The following WDR59 variants were observed in gnomAD, a reference collection of about 807,000 sequenced individuals.
The protein encoded by WDR59 is GATOR2 complex protein WDR59.
In WDR59, 100 loss-of-function variants were observed where a neutral mutation model predicts 131.2. The ratio of observed to expected loss-of-function variants is 0.76; its 90% confidence interval spans 0.65 to 0.90. WDR59 has a LOEUF of 0.90. Among genes scored for constraint, WDR59 ranks in the 40% least tolerant of loss-of-function variants. WDR59 has a pLI of 0.00. For synonymous variants in WDR59, 601 were observed against 466.2 expected (o/e 1.29, Z -3.72); for missense variants, 1,203 against 1,262.2 (o/e 0.95, Z 0.71).
chr16:74,977,270 A>C (rs2034223950), intron 1 of WDR59, among the ~76,000 whole-genome samples: 1 of 152,096 alleles, frequency 6.6e-6, no homozygotes, highest in Non-Finnish European at 1.5e-5. Flanking sequence ...AATTAAAAAA[A>C]AATTTTTAAT....
At position 74,951,341 on chromosome 16, in the gene WDR59, C is replaced by T. The variant is rs1289573765; in HGVS notation, c.326+117G>A. The T allele has an allele frequency of 9.8e-6, 10 of 1,015,460 alleles. No homozygotes were observed. The East Asian group carries it at 1.3e-4, about 13-fold the overall frequency. 62.9% of individuals were successfully genotyped at this position (1,015,460 alleles called of 1,614,324 possible). On this transcript the variant is annotated intron_variant, in intron 4 of 25. Transcript: ENST00000262144. ...GAATGCTAATAACCCGCTGACCACC[C>T]GGGACCTGTGCAACACAGACAGTCA... is the stretch of plus-strand genomic sequence containing the variant.
chr16:74,921,924 G>C, intron 10 of WDR59, 23 bp downstream of exon 10: 2 of 1,609,778 alleles, frequency 1.2e-6, no homozygotes, highest in Non-Finnish European at 1.7e-6. Context: ...AAGGAAAGTG[G>C]GCAGCAGGCC....
chr16:74,900,507 A>G lies in WDR59; in HGVS notation c.1866+3440T>C, dbSNP rs139543352. The stretch of plus-strand genomic sequence containing the variant: ...TAAAGCAAGAGTGGGAGGTTGCAAC[A>G]ATGTTTAAATGTATGCAAGGCAATA... On this transcript the variant is annotated intron_variant, in intron 18 of 25. Coordinates refer to ENST00000262144, the MANE Select transcript of WDR59 (RefSeq NM_030581.4). Among the ~76,000 whole-genome samples the G allele has an allele frequency of 1.1e-3, 170 of 152,336 alleles. 1 individual carries two copies. In the East Asian group the frequency reaches 0.019, roughly 17 times the overall value.
In WDR59 at chr16:74,900,199, T is replaced by G. The variant is rs76776565; in HGVS notation, c.1866+3748A>C. On this transcript the variant is annotated intron_variant, in intron 18 of 25. Transcript: ENST00000262144. ...CTCATTCCTAAAAAGAAGACATTCTTGAATAGGCTCAATACCAAATTTTTT... is the reference window on the plus strand; with the variant it reads ...CTCATTCCTAAAAAGAAGACATTCTGGAATAGGCTCAATACCAAATTTTTT... Among the ~76,000 whole-genome samples, 1,115 of 152,288 alleles carry G rather than the reference T, an allele frequency of 7.3e-3. 8 individuals carry two copies. The highest frequency in any genetic ancestry group is 0.012 in the Non-Finnish European group (801 of 68,030).
At chr16:74,956,405 A>G (rs1450373323) in intron 3 of WDR59, 70 bp downstream of exon 3, 2 of 1,562,118 alleles carry the variant, frequency 1.3e-6, no homozygotes, top group East Asian at 2.3e-5. Flanking sequence ...TTCTCTACAC[A>G]GGGCATAGAT....
chr16:74,948,005 G>A (rs1365625995), intron 6 of WDR59, among the ~76,000 whole-genome samples: 1 of 152,172 alleles, frequency 6.6e-6, no homozygotes, highest in Non-Finnish European at 1.5e-5. Flanking sequence ...GGGAAGCAGA[G>A]GCTGCAGTGA....
At chr16:74,935,125 G>T (rs2031696488) in intron 8 of WDR59, among the ~76,000 whole-genome samples, 1 of 152,020 alleles carries the variant, frequency 6.6e-6, no homozygotes, top group Non-Finnish European at 1.5e-5. Context: ...GCTACTGAGG[G>T]AGGCTGAGAC....
At chr16:74,937,688 G>C (rs950407148) in intron 8 of WDR59, among the ~76,000 whole-genome samples, 1 of 152,116 alleles carries the variant, frequency 6.6e-6, no homozygotes. Context: ...TTTTAGTAGA[G>C]ACTAGGTTTC....
intron 6 of WDR59, among the ~76,000 whole-genome samples, chr16:74,943,290 T>C (rs926995190): frequency 1.3e-5 from 2 of 151,732 alleles, no homozygotes; most frequent in Admixed American, 1.3e-4. Context: ...AACACAGCCT[T>C]AGCTGAAGAC....
Position 74,905,166 on chromosome 16 carries a change from G to A in WDR59, c.1713-1066C>T, listed in dbSNP as rs948947009. On this transcript the variant is annotated intron_variant, in intron 17 of 25. Transcript: ENST00000262144. ...CAAGGCGGGCAGATTACCTGAGGTC[G>A]GGAGTTCAAGACCAGCCTGACCAAC... is the stretch of plus-strand genomic sequence containing the variant. Among the ~76,000 whole-genome samples, 9 of 152,050 alleles carry A rather than the reference G, an allele frequency of 5.9e-5. No individual in the cohort carries two copies. The East Asian group carries it at 1.4e-3, about 23-fold the overall frequency.
intron 8 of WDR59, among the ~76,000 whole-genome samples, chr16:74,931,084 G>T (rs868854735): frequency 1.3e-5 from 2 of 151,914 alleles, no homozygotes; most frequent in African/African-American, 2.4e-5. Context: ...AAATATCTAT[G>T]TGTGTTTTCC....
intron 17 of WDR59, among the ~76,000 whole-genome samples, chr16:74,907,387 A>C (rs1226403302): frequency 6.6e-6 from 1 of 152,086 alleles, no homozygotes; most frequent in African/African-American, 2.4e-5. Flanking sequence ...TGCTGTTCTC[A>C]TGATAGTGAG....
chr16:74,889,706 G>C lies in WDR59; in HGVS notation c.2192C>G (p.Ser731Cys), dbSNP rs1418882949. 2.5e-6 allele frequency: 4 copies of C among 1,612,816 alleles called. No individual in the cohort carries two copies. The highest frequency in any genetic ancestry group is 2.5e-6 in the Non-Finnish European group (3 of 1,179,532). The stretch of plus-strand genomic sequence containing the variant: ...ATTTTTAGCTCTCAAAACCTACAGG[G>C]ACTCCAGCAGCTGCCGCCCAAATGG... ...RHPFGRQLLE[S>C]LLAHYCRLRD... Residue 731 changes from serine (S) to cysteine (C), a missense_variant, in exon 21 of 26, where the codon TCC (serine) becomes TGC (cysteine). By Grantham distance (112) the Ser-to-Cys change is moderately radical. Coordinates refer to ENST00000262144, the MANE Select transcript of WDR59 (RefSeq NM_030581.4).
intron 18 of WDR59, among the ~76,000 whole-genome samples, chr16:74,895,005 TGTAA>T (rs1183621517): frequency 1.3e-5 from 2 of 152,260 alleles, no homozygotes; most frequent in Admixed American, 6.5e-5. Flanking sequence ...ATTCATTTTC[TGTAA>T]GTGATTTTTA....
chr16:74,894,187 A>T (rs186433971), intron 18 of WDR59, among the ~76,000 whole-genome samples: 1 of 152,350 alleles, frequency 6.6e-6, no homozygotes, highest in Non-Finnish European at 1.5e-5. Flanking sequence ...TTCCTGCCTG[A>T]AACTCATCAA....
At chr16:74,948,923 A>T (rs2032819037) in intron 5 of WDR59, among the ~76,000 whole-genome samples, 1 of 152,110 alleles carries the variant, frequency 6.6e-6, no homozygotes, top group Non-Finnish European at 1.5e-5. Flanking sequence ...GTTTGAACCC[A>T]GGAGGCAGAG....
intron 18 of WDR59, among the ~76,000 whole-genome samples, chr16:74,901,687 C>G (rs1478700756): frequency 6.6e-6 from 1 of 150,844 alleles, no homozygotes; most frequent in Non-Finnish European, 1.5e-5. Context: ...CCACAAAACA[C>G]AAACAGAAAT....
At chr16:74,929,711 C>G (rs934663928) in intron 8 of WDR59, among the ~76,000 whole-genome samples, 1 of 152,048 alleles carries the variant, frequency 6.6e-6, no homozygotes, top group Non-Finnish European at 1.5e-5. Flanking sequence ...ACCAGTATAG[C>G]GAAGAGACAT....
intron 8 of WDR59, among the ~76,000 whole-genome samples, chr16:74,935,757 GGGA>G (rs1285849818): frequency 6.6e-6 from 1 of 152,054 alleles, no homozygotes; most frequent in Non-Finnish European, 1.5e-5. Context: ...CTAGCACTGT[GGGA>G]GGCCAAGGCA....
Sources: gnomAD v4.1 joint callset for allele counts (sites outside exome capture counted in the v4.1 genomes callset) on GRCh38, gnomAD v4.1.1 for gene constraint, MANE v1.5 for transcripts, NCBI Gene and HGNC (gene_info 2026-07-23, HGNC 2026-07-21) for gene names.